Variants in MRTFB observed in about 807,000 individuals in gnomAD.
MRTFB encodes the protein myocardin related transcription factor B, also known as myocardin-related transcription factor B.
In MRTFB, 29 loss-of-function variants were observed where a neutral mutation model predicts 104.2. The observed-to-expected ratio is 0.28, with a 90% CI of 0.21 to 0.38. The LOEUF (loss-of-function observed/expected upper bound fraction) is 0.38, where lower values mean the gene tolerates loss of function less well. Among genes scored for constraint, MRTFB ranks in the 10% least tolerant of loss-of-function variants. The pLI, the probability that MRTFB is intolerant of heterozygous loss-of-function variation, is 1.00. For missense variants in MRTFB, 1,270 were observed against 1,341.6 expected (o/e 0.95, Z 0.83); for synonymous variants, 535 against 519.5 (o/e 1.03, Z -0.41).
chr16:14,259,536 G>A (rs1426323111), intron 16 of MRTFB, among the ~76,000 whole-genome samples: 4 of 151,956 alleles, frequency 2.6e-5, no homozygotes, highest in East Asian at 1.9e-4. Flanking sequence ...CACGGCAAGC[G>A]GATCACCTGA....
chr16:14,039,536 A>G, the MRTFB span, among the ~76,000 whole-genome samples: 1 of 151,944 alleles, frequency 6.6e-6, no homozygotes, highest in Non-Finnish European at 1.5e-5. Context: ...TTTCCCGATT[A>G]ACTATTTTTC....
At position 14,258,295 on chromosome 16, in the gene MRTFB, A is replaced by G. The variant is rs1279186999; in HGVS notation, c.2764+134A>G. 7.4e-5 allele frequency: 53 copies of G among 716,726 alleles called. No homozygotes were observed. The East Asian group carries it at 1.3e-3, about 17-fold the overall frequency. 44.4% of individuals were successfully genotyped at this position (716,726 alleles called of 1,614,324 possible). On this transcript the variant is annotated intron_variant, in intron 16 of 16. Coordinates refer to ENST00000571589, the MANE Select transcript of MRTFB (RefSeq NM_001308142.2). ...TTCTTCTAACTGAATTTACTGTTTTAAAATCTGTTAAATTTAGGCCATTAA... is the reference window on the plus strand; with the variant it reads ...TTCTTCTAACTGAATTTACTGTTTTGAAATCTGTTAAATTTAGGCCATTAA...
At chr16:14,129,224 A>G (rs2037316490) in intron 2 of MRTFB, among the ~76,000 whole-genome samples, 1 of 152,246 alleles carries the variant, frequency 6.6e-6, no homozygotes, top group Non-Finnish European at 1.5e-5. Context: ...ACATTTGCAC[A>G]CAGATACAAA....
chr16:14,114,356 A>G (rs534070653), intron 2 of MRTFB, among the ~76,000 whole-genome samples: 5 of 152,348 alleles, frequency 3.3e-5, no homozygotes, highest in South Asian at 2.1e-4. Flanking sequence ...CATTTTAGGT[A>G]TGTTTTAATA....
At chr16:14,209,026 A>G (rs934977931) in intron 3 of MRTFB, among the ~76,000 whole-genome samples, 13 of 152,316 alleles carry the variant, frequency 8.5e-5, no homozygotes, top group African/African-American at 2.6e-4. Flanking sequence ...CATATCAAAC[A>G]ATGATAAAAT....
intron 3 of MRTFB, chr16:14,141,170 G>A (rs2037979142): frequency 6.0e-6 from 1 of 167,464 alleles, no homozygotes; most frequent in East Asian, 1.6e-4. Flanking sequence ...AGCTATCTCA[G>A]TGATGACTAA....
At chr16:14,148,530 T>C (rs550389351) in intron 3 of MRTFB, 1 of 152,732 alleles carries the variant, frequency 6.5e-6, no homozygotes, top group East Asian at 1.9e-4. Context: ...TAAAGTAACG[T>C]GTTGGAATTT....
At chr16:14,190,981 G>C (rs2040156330) in intron 3 of MRTFB, among the ~76,000 whole-genome samples, 1 of 152,214 alleles carries the variant, frequency 6.6e-6, no homozygotes, top group African/African-American at 2.4e-5. Flanking sequence ...ACTGTACTGG[G>C]ATGTGTCTAT....
At chr16:14,210,826 T>G (rs1235624628) in intron 4 of MRTFB, among the ~76,000 whole-genome samples, 1 of 152,240 alleles carries the variant, frequency 6.6e-6, no homozygotes, top group Non-Finnish European at 1.5e-5. Context: ...GTTATTTCCC[T>G]TCTATCCCTA....
chr16:14,153,801 T>TTAGGTTCAG (rs2038724351), intron 3 of MRTFB, among the ~76,000 whole-genome samples: 1 of 152,182 alleles, frequency 6.6e-6, no homozygotes, highest in African/African-American at 2.4e-5. Flanking sequence ...TAAATGTCAA[T>TTAGGTTCAG]TAGGTTCAGT....
the MRTFB span, among the ~76,000 whole-genome samples, chr16:13,996,282 AC>A: frequency 7.0e-6 from 1 of 143,682 alleles, no homozygotes; most frequent in Non-Finnish European, 1.6e-5. Context: ...AACAACAACA[AC>A]AACAACAAAG....
the MRTFB span, among the ~76,000 whole-genome samples, chr16:14,024,057 A>T: frequency 6.6e-6 from 1 of 152,126 alleles, no homozygotes; most frequent in Non-Finnish European, 1.5e-5. Flanking sequence ...TCTCAAAAAA[A>T]AAAAAGAATG....
At position 14,161,085 on chromosome 16, in the gene MRTFB, C is replaced by CTTTTTTTT. The variant is rs57360069; in HGVS notation, c.154+20344_154+20351dup. On this transcript the variant is annotated intron_variant, in intron 3 of 16. Coordinates refer to ENST00000571589, the MANE Select transcript of MRTFB (RefSeq NM_001308142.2). ...TCTGTTTTAGTAGGTAATGCCAGGA[C>CTTTTTTTT]TTTTTTTTTTTTTTTTTTTTTTTTT... Among the ~76,000 whole-genome samples, 49 of 53,126 alleles carry CTTTTTTTT rather than the reference C, an allele frequency of 9.2e-4. 12 individuals are homozygous for CTTTTTTTT. The highest frequency in any genetic ancestry group is 4.0e-3 in the African/African-American group (41 of 10,290). The allele number at this position is 53,126 out of a possible 152,430, so 34.9% of individuals were successfully genotyped here.
the MRTFB span, among the ~76,000 whole-genome samples, chr16:14,061,843 A>T: frequency 6.6e-6 from 1 of 152,166 alleles, no homozygotes; most frequent in African/African-American, 2.4e-5. Context: ...AATAGATTTT[A>T]AAATTGCACA....
At chr16:14,201,024 A>C in intron 3 of MRTFB, 1 of 1,477,174 alleles carries the variant, frequency 6.8e-7, no homozygotes, top group African/African-American at 1.4e-5. Flanking sequence ...TGAAGAGATA[A>C]GTCTTGACTT....
At chr16:14,075,994 T>G (rs1268041735) in intron 1 of MRTFB, among the ~76,000 whole-genome samples, 1 of 152,186 alleles carries the variant, frequency 6.6e-6, no homozygotes, top group Non-Finnish European at 1.5e-5. Flanking sequence ...CTTGATTCTC[T>G]CCATAAATAA....
chr16:14,134,551 A>C (rs979545727), intron 2 of MRTFB, among the ~76,000 whole-genome samples: 7 of 152,208 alleles, frequency 4.6e-5, no homozygotes, highest in African/African-American at 1.7e-4. Flanking sequence ...TGCCTGTTTG[A>C]CTAGGTCTTG....
intron 3 of MRTFB, among the ~76,000 whole-genome samples, chr16:14,180,354 T>A (rs1487143309): frequency 6.6e-6 from 1 of 152,232 alleles, no homozygotes; most frequent in Non-Finnish European, 1.5e-5. Context: ...AGGGAAGTTA[T>A]CTCAGAATTT....
At position 14,193,210 on chromosome 16, in the gene MRTFB, CAAAAAAAAAAA is replaced by C. The variant is rs10616011; in HGVS notation, c.155-17014_155-17004del. On this transcript the variant is annotated intron_variant, in intron 3 of 16. Coordinates refer to ENST00000571589, the MANE Select transcript of MRTFB (RefSeq NM_001308142.2). ...CCTGGGCAACAGTGAGACCCTGTCT[CAAAAAAAAAAA>C]AAAAAAAAAAAAAAAAAAGAATGAT... Among the ~76,000 whole-genome samples the C allele has an allele frequency of 3.2e-4, 18 of 56,438 alleles. No individual in the cohort carries two copies. The South Asian group carries it at 3.6e-3, about 11-fold the overall frequency. 37.0% of individuals were successfully genotyped at this position (56,438 alleles called of 152,430 possible).
Sources: gnomAD v4.1 joint callset for allele counts (sites outside exome capture counted in the v4.1 genomes callset) on GRCh38, gnomAD v4.1.1 for gene constraint, MANE v1.5 for transcripts, NCBI Gene and HGNC (gene_info 2026-07-23, HGNC 2026-07-21) for gene names.